ADAMTS20: variants seen among roughly 807,000 people sequenced by gnomAD.
ADAMTS20 encodes the protein ADAM metallopeptidase with thrombospondin type 1 motif 20.
In ADAMTS20, 225 loss-of-function variants were observed where a neutral mutation model predicts 260.1. That is an observed-to-expected ratio of 0.87 (90% confidence interval 0.78 to 0.97). ADAMTS20 has a LOEUF of 0.97. Ranked by LOEUF, ADAMTS20 falls within the 50% of genes least tolerant of loss-of-function variation. ADAMTS20 has a pLI of 0.00. For missense variants in ADAMTS20, 2,400 were observed against 2,337.7 expected (o/e 1.03, Z -0.55); for synonymous variants, 802 against 769.5 (o/e 1.04, Z -0.70).
At position 43,373,506 on chromosome 12, in the gene ADAMTS20, T is replaced by TA. The variant is rs199560425; in HGVS notation, c.5446+1872dup. Reference sequence around the variant, plus strand: ...CTAACACTAAGAATAGCTTATGAGCTAAAAAAGTCACAAAAAAAATCTCAA... The same window carrying TA: ...CTAACACTAAGAATAGCTTATGAGCTAAAAAAAGTCACAAAAAAAATCTCAA... On this transcript the variant is annotated intron_variant, in intron 36 of 38. Transcript: ENST00000389420. 4.5e-3 allele frequency among the ~76,000 whole-genome samples: 690 copies of TA among 152,072 alleles called. 6 individuals are homozygous for TA. The highest frequency in any genetic ancestry group is 0.016 in the African/African-American group (661 of 41,492).
chr12:43,514,331 G>A (rs972690823), intron 3 of ADAMTS20, among the ~76,000 whole-genome samples: 4 of 151,596 alleles, frequency 2.6e-5, no homozygotes, highest in African/African-American at 7.3e-5. Flanking sequence ...TTGGGAGGCC[G>A]AGGCAGGCAG....
At chr12:43,424,662 GAC>G (rs1236446034) in intron 28 of ADAMTS20, among the ~76,000 whole-genome samples, 1 of 151,912 alleles carries the variant, frequency 6.6e-6, no homozygotes, top group Non-Finnish European at 1.5e-5. Context: ...GCCTAAACAA[GAC>G]ACAGCCTTAA....
At chr12:43,404,670 C>A (rs1940878381) in intron 28 of ADAMTS20, among the ~76,000 whole-genome samples, 1 of 152,032 alleles carries the variant, frequency 6.6e-6, no homozygotes, top group Non-Finnish European at 1.5e-5. Flanking sequence ...TGTTAATCAT[C>A]TAAACTTTAG....
At chr12:43,374,078 CAT>C (rs1476882401) in intron 36 of ADAMTS20, among the ~76,000 whole-genome samples, 5 of 152,092 alleles carry the variant, frequency 3.3e-5, no homozygotes, top group Non-Finnish European at 7.4e-5. Context: ...TCATTTTACA[CAT>C]GAGGGAACCG....
chr12:43,466,577 A>G lies in ADAMTS20; in HGVS notation c.1367+75T>C. On this transcript the variant is annotated intron_variant, in intron 9 of 38. Transcript: ENST00000389420. ...ACAAGAAAAAGCTAAACAGAAATTGAACCACCTTTAAAAATATCAATTTCA... is the reference window on the plus strand; with the variant it reads ...ACAAGAAAAAGCTAAACAGAAATTGGACCACCTTTAAAAATATCAATTTCA... 4 of 1,393,336 alleles carry G rather than the reference A, an allele frequency of 2.9e-6. No homozygotes were observed. The South Asian group carries it at 5.1e-5, about 18-fold the overall frequency. 86.3% of individuals were successfully genotyped at this position (1,393,336 alleles called of 1,614,324 possible). A position where few individuals can be genotyped will look rare whatever the true frequency, so the allele number is the denominator to read the frequency against.
chr12:43,454,699 C>T (rs935332342), intron 11 of ADAMTS20, among the ~76,000 whole-genome samples: 2 of 152,192 alleles, frequency 1.3e-5, no homozygotes, highest in African/African-American at 4.8e-5. Context: ...ATTCTCTCAT[C>T]TCTTCTATAT....
At chr12:43,362,367 A>C (rs998106235) in intron 37 of ADAMTS20, among the ~76,000 whole-genome samples, 1 of 152,184 alleles carries the variant, frequency 6.6e-6, no homozygotes, top group African/African-American at 2.4e-5. Context: ...GGAAAGTAGT[A>C]GGTCAGAGTC....
intron 2 of ADAMTS20, among the ~76,000 whole-genome samples, chr12:43,545,550 C>T (rs906960213): frequency 6.6e-6 from 1 of 152,184 alleles, no homozygotes; most frequent in Non-Finnish European, 1.5e-5. Context: ...ATGTTGTCTA[C>T]TTTAGCAAGG....
intron 36 of ADAMTS20, among the ~76,000 whole-genome samples, chr12:43,374,376 G>T (rs1940176150): frequency 6.6e-6 from 1 of 152,118 alleles, no homozygotes; most frequent in Non-Finnish European, 1.5e-5. Flanking sequence ...CAATTGAGAT[G>T]GAGTCTCTGC....
In ADAMTS20 at chr12:43,466,781, T is replaced by G. The variant is rs1244412650; in HGVS notation, c.1238A>C (p.His413Pro). 4 of 1,595,782 alleles carry G rather than the reference T, an allele frequency of 2.5e-6. No homozygotes were observed. Among genetic ancestry groups the G allele is most frequent in the Non-Finnish European group, 3.4e-6 (4 of 1,170,394 alleles). ...TTCTTTACATCTAGGATTATCATCATGTTGAACACCAAGTCTAAAAATAAA... is the reference window on the plus strand; with the variant it reads ...TTCTTTACATCTAGGATTATCATCAGGTTGAACACCAAGTCTAAAAATAAA... ...HELGHTLGVQHDDNPRCKEMK... is the reference protein window; with the variant it reads ...HELGHTLGVQPDDNPRCKEMK... The change falls in exon 9 of 39, where the codon CAT becomes CCT. Residue 413 changes from histidine to proline, a missense_variant. His to Pro is a moderately conservative substitution (Grantham distance 77). Coordinates refer to ENST00000389420, the MANE Select transcript of ADAMTS20 (RefSeq NM_025003.5).
intron 3 of ADAMTS20, among the ~76,000 whole-genome samples, chr12:43,520,511 T>C (rs929426989): frequency 3.3e-5 from 5 of 151,966 alleles, no homozygotes; most frequent in South Asian, 4.1e-4. Flanking sequence ...GCCAAAGACA[T>C]AAGAAAATTC....
At chr12:43,506,705 C>T (rs1309930020) in intron 3 of ADAMTS20, among the ~76,000 whole-genome samples, 1 of 151,250 alleles carries the variant, frequency 6.6e-6, no homozygotes, top group Non-Finnish European at 1.5e-5. Flanking sequence ...GTCTCGATAT[C>T]GTGACCTTGT....
Position 43,353,987 on chromosome 12 carries a change from A to G in ADAMTS20, c.*222T>C, listed in dbSNP as rs1592020190. 2.8e-6 allele frequency: 1 copy of G among 350,928 alleles called. No individual in the cohort carries two copies. The highest frequency in any genetic ancestry group is 4.8e-5 in the East Asian group (1 of 20,800). 21.7% of individuals were successfully genotyped at this position (350,928 alleles called of 1,614,324 possible). On this transcript the variant is annotated 3_prime_UTR_variant, in exon 39 of 39. Coordinates refer to ENST00000389420, the MANE Select transcript of ADAMTS20 (RefSeq NM_025003.5). ...TTATAAATTATTATGTTCTTTAAAAAATATCCTGATTAGATATAAAATAAA... is the reference window on the plus strand; with the variant it reads ...TTATAAATTATTATGTTCTTTAAAAGATATCCTGATTAGATATAAAATAAA...
intron 28 of ADAMTS20, among the ~76,000 whole-genome samples, chr12:43,400,147 A>G (rs1044971567): frequency 1.3e-5 from 2 of 152,014 alleles, no homozygotes; most frequent in East Asian, 3.9e-4. Flanking sequence ...CTCTTCTACC[A>G]TTTTCCTTCA....
chr12:43,461,441 T>C (rs1369921394), intron 11 of ADAMTS20, among the ~76,000 whole-genome samples: 1 of 152,222 alleles, frequency 6.6e-6, no homozygotes, highest in Non-Finnish European at 1.5e-5. Flanking sequence ...AAATCATGTT[T>C]ATGCCCTAAC....
At chr12:43,390,844 C>T (rs1245992439) in intron 29 of ADAMTS20, among the ~76,000 whole-genome samples, 2 of 152,184 alleles carry the variant, frequency 1.3e-5, no homozygotes, top group East Asian at 3.8e-4. Flanking sequence ...ATGATCCATT[C>T]GTGGCACTAT....
chr12:43,503,373 A>G (rs1167964911), intron 3 of ADAMTS20, among the ~76,000 whole-genome samples: 1 of 152,132 alleles, frequency 6.6e-6, no homozygotes, highest in Non-Finnish European at 1.5e-5. Flanking sequence ...TCAATAACCA[A>G]GACATGGCTG....
At chr12:43,454,856 A>G (rs1368502746) in intron 11 of ADAMTS20, among the ~76,000 whole-genome samples, 2 of 152,226 alleles carry the variant, frequency 1.3e-5, no homozygotes, top group African/African-American at 4.8e-5. Context: ...TTTATGTCTA[A>G]GTAAATAATT....
At chr12:43,357,611 G>A (rs145317619) in intron 37 of ADAMTS20, among the ~76,000 whole-genome samples, 58 of 152,152 alleles carry the variant, frequency 3.8e-4, no homozygotes, top group African/African-American at 1.2e-3. Context: ...ACAATAAATG[G>A]AGAATTTTCC....
Sources: allele counts gnomAD v4.1 joint callset (sites outside exome capture counted in the v4.1 genomes callset), GRCh38; gene constraint gnomAD v4.1.1; transcripts MANE v1.5; gene names NCBI Gene and HGNC (gene_info 2026-07-23, HGNC 2026-07-21).